Variants in RNF135 observed in about 807,000 individuals in gnomAD.
The protein encoded by RNF135 is E3 ubiquitin-protein ligase RNF135.
A neutral mutation model predicts 41.9 loss-of-function variants in RNF135; 46 were observed. That is an observed-to-expected ratio of 1.10 (90% confidence interval 0.87 to 1.40). The LOEUF (loss-of-function observed/expected upper bound fraction) is 1.40. RNF135 is among the 40% of genes most tolerant of loss of function. The pLI, the probability that RNF135 is intolerant of heterozygous loss-of-function variation, is 0.00. For synonymous variants in RNF135, 238 were observed against 223.8 expected (o/e 1.06, Z -0.57); for missense variants, 539 against 549.8 (o/e 0.98, Z 0.20).
Position 30,971,199 on chromosome 17 carries a change from C to T in RNF135, c.126C>T (p.Arg42=). ...ATLPCGHSFC[R]HCLEALWGAR... is the part of the protein sequence containing the mutation. ...TGCCCTGCGGCCACAGCTTCTGCCG[C>T]CACTGCCTGGAGGCCCTGTGGGGCG... The change falls in exon 1 of 5, where the codon CGC becomes CGT. Residue 42 remains arginine (R), a synonymous_variant. Coordinates refer to ENST00000328381, the MANE Select transcript of RNF135 (RefSeq NM_032322.4). 2 of 1,524,318 alleles carry T rather than the reference C, an allele frequency of 1.3e-6. No individual in the cohort carries two copies. Among genetic ancestry groups the T allele is most frequent in the Non-Finnish European group, 1.8e-6 (2 of 1,142,356 alleles). 94.4% of individuals were successfully genotyped at this position (1,524,318 alleles called of 1,614,324 possible).
chr17:30,965,362 A>G, the RNF135 span: 1 of 142,110 alleles, frequency 7.0e-6, no homozygotes, highest in Non-Finnish European at 1.5e-5. Context: ...CAAACAAAAA[A>G]ACCCAAAAAT....
intron 1 of RNF135, among the ~76,000 whole-genome samples, chr17:30,983,766 G>GTT (rs375139965): frequency 2.1e-5 from 3 of 142,472 alleles, no homozygotes; most frequent in African/African-American, 2.6e-5. Flanking sequence ...TGTTATTTTG[G>GTT]TTTTTTTTTT....
At chr17:30,971,627 G>A (rs1044108220) in intron 1 of RNF135, 182 bp downstream of exon 1, 4 of 1,352,706 alleles carry the variant, frequency 3.0e-6, no homozygotes, top group Non-Finnish European at 3.8e-6. Context: ...TGAAGAAGTA[G>A]AAAAAAACAA....
upstream of RNF135, among the ~76,000 whole-genome samples, chr17:30,968,511 G>C (rs563757852): frequency 3.8e-4 from 57 of 151,390 alleles, 1 homozygote; most frequent in African/African-American, 1.4e-3. Flanking sequence ...TCAGCCTCCT[G>C]AGTAGCTGGG....
intron 1 of RNF135, among the ~76,000 whole-genome samples, chr17:30,977,116 G>T (rs1177503420): frequency 6.6e-6 from 1 of 151,796 alleles, no homozygotes; most frequent in African/African-American, 2.4e-5. Flanking sequence ...TATGATTTTT[G>T]ATTTGAGGTT....
chr17:30,981,349 G>GGAGGGAGAGGGA (rs60373333), intron 1 of RNF135, among the ~76,000 whole-genome samples: 251 of 149,524 alleles, frequency 1.7e-3, no homozygotes, highest in Admixed American at 8.0e-3. Flanking sequence ...GGGAGACCGT[G>GGAGGGAGAGGGA]GAGGGAGAGG....
chr17:30,969,062 A>C (rs1905678613), upstream of RNF135: 2 of 151,972 alleles, frequency 1.3e-5, no homozygotes, highest in African/African-American at 4.8e-5. Flanking sequence ...TACCATGTCT[A>C]GGTAGTTTTT....
At chr17:30,995,511 G>A (rs918695380) in intron 3 of RNF135, among the ~76,000 whole-genome samples, 1 of 152,136 alleles carries the variant, frequency 6.6e-6, no homozygotes, top group Non-Finnish European at 1.5e-5. Context: ...GGGACTATAA[G>A]CATGGGCCAC....
intron 1 of RNF135, chr17:30,975,662 G>A (rs1012837847): frequency 7.5e-7 from 1 of 1,324,870 alleles, no homozygotes; most frequent in South Asian, 1.2e-5. Context: ...AATACCGGAG[G>A]GTGGAGTCAC....
Position 30,998,704 on chromosome 17 carries a change from G to T in RNF135, c.812G>T (p.Ser271Ile). The T allele has an allele frequency of 6.2e-7, 1 of 1,613,894 alleles. No homozygotes were observed. The highest frequency in any genetic ancestry group is 8.5e-7 in the Non-Finnish European group (1 of 1,179,970). The change falls in exon 5 of 5, where the codon AGC becomes ATC. Residue 271 changes from serine (S) to isoleucine (I), a missense_variant. Transcript: ENST00000328381. Reference sequence around the variant, plus strand: ...TTTAACTTGAAGAGCCTTTCCTGCAGCCTGGAGGTGTCCAAGGATTCCCGT... The same window carrying T: ...TTTAACTTGAAGAGCCTTTCCTGCATCCTGGAGGTGTCCAAGGATTCCCGT... ...PTFNLKSLSC[S>I]LEVSKDSRTV...
At position 30,990,470 on chromosome 17, in the gene RNF135, G is replaced by T. The variant is rs1907912665; in HGVS notation, c.679+2364G>T. ...ACCCGGGAGGCAGAGGTTGCAGTGAGCCACTGCACTCCAGTGTGGGTGATG... is the reference window on the plus strand; with the variant it reads ...ACCCGGGAGGCAGAGGTTGCAGTGATCCACTGCACTCCAGTGTGGGTGATG... On this transcript the variant is annotated intron_variant, in intron 3 of 4. Coordinates refer to ENST00000328381, the MANE Select transcript of RNF135 (RefSeq NM_032322.4). 1.3e-5 allele frequency among the ~76,000 whole-genome samples: 2 copies of T among 152,132 alleles called. 1 individual carries two copies. The highest frequency in any genetic ancestry group is 4.1e-4 in the South Asian group (2 of 4,826).
chr17:30,998,794 A>G lies in RNF135; in HGVS notation c.902A>G (p.Gln301Arg), dbSNP rs371785711. 3 of 1,613,308 alleles carry G rather than the reference A, an allele frequency of 1.9e-6. No homozygotes were observed. The highest frequency in any genetic ancestry group is 2.5e-6 in the Non-Finnish European group (3 of 1,179,780). The change falls in exon 5 of 5, where the codon CAG becomes CGG. Residue 301 changes from glutamine (Q) to arginine (R), a missense_variant. Coordinates refer to ENST00000328381, the MANE Select transcript of RNF135 (RefSeq NM_032322.4). ...AGCTGTGAGAGGTTTTCTACCAGCC[A>G]GGTCTTATGTTCCCAGGCCCTGTCT... ...RWSCERFSTS[Q>R]VLCSQALSSG...
At position 30,988,375 on chromosome 17, in the gene RNF135, G is replaced by T. The variant is rs1460015624; in HGVS notation, c.679+269G>T. Among the ~76,000 whole-genome samples, 3 of 144,938 alleles carry T rather than the reference G, an allele frequency of 2.1e-5. No individual in the cohort carries two copies. In the East Asian group the frequency reaches 6.1e-4, roughly 29 times the overall value. The stretch of plus-strand genomic sequence containing the variant: ...GCACACAGGTCCTTACTGATCAAGT[G>T]TGTTATCTTACTGCAGAGATTCTGA... On this transcript the variant is annotated intron_variant, in intron 3 of 4. Transcript: ENST00000328381.
rs780394283 is a variant in RNF135, at chr17:30,999,217, T to A, written c.*26T>A. 23 of 1,606,232 alleles carry A rather than the reference T, an allele frequency of 1.4e-5. No individual in the cohort carries two copies. Among genetic ancestry groups the A allele is most frequent in the Non-Finnish European group, 1.9e-5 (22 of 1,178,354 alleles). ...GGTTTCCTAAGGGATTACAACACAGTGGTTTCCTGGTCTCTCTCCCTGTCA... is the reference window on the plus strand; with the variant it reads ...GGTTTCCTAAGGGATTACAACACAGAGGTTTCCTGGTCTCTCTCCCTGTCA... On this transcript the variant is annotated 3_prime_UTR_variant, in exon 5 of 5. Transcript: ENST00000328381.
chr17:30,961,946 C>A, the RNF135 span, among the ~76,000 whole-genome samples: 17 of 152,178 alleles, frequency 1.1e-4, no homozygotes, highest in Non-Finnish European at 2.1e-4. Flanking sequence ...TTACTAGTAA[C>A]TCCTCTTTCC....
intron 1 of RNF135, among the ~76,000 whole-genome samples, chr17:30,976,300 A>G (rs1038945188): frequency 6.6e-6 from 1 of 152,186 alleles, no homozygotes; most frequent in Admixed American, 6.5e-5. Context: ...CACCACGCCC[A>G]GCCTATTTCA....
At chr17:30,975,348 GCCTGCACCTGAGC>G in intron 1 of RNF135, 1 of 721,004 alleles carries the variant, frequency 1.4e-6, no homozygotes, top group Non-Finnish European at 2.5e-6. Context: ...TGCTACTTAT[GCCTGCACCTGAGC>G]CCAGGCACAC....
chr17:30,974,006 C>T (rs891737537), intron 1 of RNF135, among the ~76,000 whole-genome samples: 2 of 151,946 alleles, frequency 1.3e-5, no homozygotes, highest in Non-Finnish European at 2.9e-5. Context: ...TTTGGGAGGC[C>T]AAAGTTTCAT....
At chr17:30,967,704 CT>C (rs561517645), upstream of RNF135, among the ~76,000 whole-genome samples, 1,345 of 138,602 alleles carry the variant, frequency 9.7e-3, 12 homozygotes, top group African/African-American at 0.028. Context: ...GACAAAATTT[CT>C]TTTTTTTTTT....
Sources: gnomAD v4.1 joint callset for allele counts (sites outside exome capture counted in the v4.1 genomes callset) on GRCh38, gnomAD v4.1.1 for gene constraint, MANE v1.5 for transcripts, NCBI Gene and HGNC (gene_info 2026-07-23, HGNC 2026-07-21) for gene names.